Variants in ST7 observed in about 807,000 individuals in gnomAD.
ST7 encodes suppressor of tumorigenicity 7 protein.
ST7 carries 28 observed loss-of-function variants against 78.7 expected under a neutral mutation model. That is an observed-to-expected ratio of 0.36 (90% CI 0.26 to 0.49). ST7 has a LOEUF of 0.49. Among genes scored for constraint, ST7 ranks in the 20% least tolerant of loss-of-function variants. The pLI is 0.99. For synonymous variants in ST7, 247 were observed against 249.6 expected (o/e 0.99, Z 0.10); for missense variants, 418 against 696.0 (o/e 0.60, Z 4.49).
chr7:117,122,021 AG>A (rs1401512809), intron 3 of ST7, among the ~76,000 whole-genome samples: 1 of 152,168 alleles, frequency 6.6e-6, no homozygotes, highest in Non-Finnish European at 1.5e-5. Context: ...GTGTTGCTAA[AG>A]GTAAAAATAT....
In ST7 at chr7:117,115,125, C is replaced by T. The variant is rs548556160; in HGVS notation, c.235-4436C>T. ...AAGATATAGGTCCAAACCACTTCCT[C>T]AGCCCTCTCATTCCCAATTCCATCC... On this transcript the variant is annotated intron_variant, in intron 2 of 15. Transcript: ENST00000323984. 2.6e-5 allele frequency among the ~76,000 whole-genome samples: 4 copies of T among 152,078 alleles called. No individual in the cohort carries two copies. The South Asian group carries it at 8.3e-4, about 31-fold the overall frequency.
At chr7:117,015,098 T>A in intron 1 of ST7, 1 of 675,902 alleles carries the variant, frequency 1.5e-6, no homozygotes, top group Non-Finnish European at 2.1e-6. Context: ...AAAACTACAT[T>A]GATTGTGTGA....
At chr7:117,149,242 G>A (rs753798883) in intron 9 of ST7, among the ~76,000 whole-genome samples, 4 of 152,016 alleles carry the variant, frequency 2.6e-5, no homozygotes, top group Non-Finnish European at 5.9e-5. Context: ...TACAAGCTTA[G>A]GCTCTAGTAG....
At chr7:117,094,690 G>C (rs1402792341) in intron 1 of ST7, among the ~76,000 whole-genome samples, 1 of 152,064 alleles carries the variant, frequency 6.6e-6, no homozygotes, top group Admixed American at 6.6e-5. Flanking sequence ...CAAGAACGTG[G>C]GACTCTCTCA....
chr7:117,193,227 A>G (rs1416774774), intron 12 of ST7, among the ~76,000 whole-genome samples: 1 of 152,104 alleles, frequency 6.6e-6, no homozygotes, highest in Non-Finnish European at 1.5e-5. Context: ...CTAATGAGAC[A>G]TCGGTGAAGG....
At chr7:117,165,267 G>A (rs1333683903) in intron 9 of ST7, among the ~76,000 whole-genome samples, 1 of 152,202 alleles carries the variant, frequency 6.6e-6, no homozygotes, top group East Asian at 1.9e-4. Context: ...CCTTTCTTTA[G>A]TATCCCTATC....
At chr7:117,094,854 C>CT (rs943538322) in intron 1 of ST7, among the ~76,000 whole-genome samples, 4 of 152,084 alleles carry the variant, frequency 2.6e-5, no homozygotes, top group African/African-American at 9.7e-5. Flanking sequence ...TTTCTCTAAA[C>CT]TTTTCTCCCA....
intron 1 of ST7, among the ~76,000 whole-genome samples, chr7:116,995,766 A>C (rs1794624193): frequency 2.6e-5 from 4 of 152,212 alleles, no homozygotes; most frequent in African/African-American, 9.7e-5. Flanking sequence ...CTGTGAGGGA[A>C]TGTGGGTTAT....
At chr7:117,143,614 C>A (rs1320446415) in intron 9 of ST7, among the ~76,000 whole-genome samples, 1 of 152,156 alleles carries the variant, frequency 6.6e-6, no homozygotes, top group African/African-American at 2.4e-5. Context: ...TTCCTAACAA[C>A]CCTTGACATT....
At chr7:117,188,926 A>T (rs1458621819) in intron 10 of ST7, among the ~76,000 whole-genome samples, 1 of 152,146 alleles carries the variant, frequency 6.6e-6, no homozygotes, top group Non-Finnish European at 1.5e-5. Flanking sequence ...TTCAATTAGC[A>T]TTTCATATAC....
chr7:117,003,525 T>C (rs1026959781), intron 1 of ST7, among the ~76,000 whole-genome samples: 3 of 152,170 alleles, frequency 2.0e-5, no homozygotes, highest in African/African-American at 7.2e-5. Flanking sequence ...CTTGAACTCC[T>C]GACCTCAGGT....
intron 1 of ST7, among the ~76,000 whole-genome samples, chr7:117,095,026 C>G (rs1186570930): frequency 6.6e-6 from 1 of 152,164 alleles, no homozygotes; most frequent in Non-Finnish European, 1.5e-5. Flanking sequence ...GCTGCTTATT[C>G]CATTATATCT....
chr7:117,208,391 T>A (rs932015229), intron 12 of ST7, among the ~76,000 whole-genome samples: 1 of 152,150 alleles, frequency 6.6e-6, no homozygotes, highest in Non-Finnish European at 1.5e-5. Flanking sequence ...ACGACCGTTA[T>A]CAGTGTCCTC....
intron 1 of ST7, among the ~76,000 whole-genome samples, chr7:116,982,429 G>A (rs1030548332): frequency 1.3e-5 from 2 of 152,002 alleles, no homozygotes; most frequent in African/African-American, 2.4e-5. Context: ...TCTCCATGTC[G>A]GTCAGGCTGG....
At chr7:117,173,656 G>A (rs1808160721) in intron 10 of ST7, 1 of 152,164 alleles carries the variant, frequency 6.6e-6, no homozygotes, top group African/African-American at 2.4e-5. Flanking sequence ...TGAGATGCTG[G>A]AGACAGCACT....
intron 1 of ST7, among the ~76,000 whole-genome samples, chr7:117,040,720 C>A (rs1477857447): frequency 1.3e-5 from 2 of 152,158 alleles, no homozygotes; most frequent in Admixed American, 6.5e-5. Flanking sequence ...TGGTCCAATT[C>A]CTCTTGGGAA....
At chr7:117,157,036 T>G (rs1806750725) in intron 9 of ST7, among the ~76,000 whole-genome samples, 1 of 152,124 alleles carries the variant, frequency 6.6e-6, no homozygotes, top group Non-Finnish European at 1.5e-5. Flanking sequence ...TGAAATTATC[T>G]TTGTGGAGGG....
chr7:117,189,484 C>T, intron 11 of ST7, 91 bp downstream of exon 11: 2 of 944,066 alleles, frequency 2.1e-6, no homozygotes, highest in South Asian at 2.0e-5. Flanking sequence ...TTCTCTTAGG[C>T]TATGAGACCC....
chr7:116,996,891 G>T (rs758243380), intron 1 of ST7, among the ~76,000 whole-genome samples: 2 of 152,150 alleles, frequency 1.3e-5, no homozygotes, highest in Non-Finnish European at 2.9e-5. Flanking sequence ...AAAAGGATTC[G>T]ATAGCCAGTA....
Sources: gnomAD v4.1 joint callset for allele counts (sites outside exome capture counted in the v4.1 genomes callset) on GRCh38, gnomAD v4.1.1 for gene constraint, MANE v1.5 for transcripts, NCBI Gene and HGNC (gene_info 2026-07-23, HGNC 2026-07-21) for gene names.